GSTA5: variants seen among roughly 807,000 people sequenced by gnomAD.
GSTA5 encodes the protein glutathione S-transferase alpha 5.
A neutral mutation model predicts 21.8 loss-of-function variants in GSTA5; 25 were observed. The observed-to-expected ratio is 1.14, with a 90% confidence interval of 0.83 to 1.60. The LOEUF (loss-of-function observed/expected upper bound fraction) is 1.60, where lower values mean the gene tolerates loss of function less well. Among genes scored for constraint, GSTA5 ranks in the 40% most tolerant of loss-of-function variants. The pLI is 0.00. For synonymous variants in GSTA5, 102 were observed against 89.5 expected (o/e 1.14, Z -0.78); for missense variants, 330 against 259.2 (o/e 1.27, Z -1.88).
At chr6:52,843,070 A>AGG (rs1455822188), upstream of GSTA5, among the ~76,000 whole-genome samples, 1 of 152,182 alleles carries the variant, frequency 6.6e-6, no homozygotes, top group Non-Finnish European at 1.5e-5. Context: ...GTCCCTGCAA[A>AGG]GGACATGAAC....
At chr6:52,841,877 A>G (rs1330578476), upstream of GSTA5, among the ~76,000 whole-genome samples, 2 of 152,204 alleles carry the variant, frequency 1.3e-5, no homozygotes, top group East Asian at 1.9e-4. Flanking sequence ...TTCTATGTTA[A>G]TGTTTCTCAA....
chr6:52,835,722 A>AT (rs1165688669), intron 3 of GSTA5, among the ~76,000 whole-genome samples: 4 of 152,172 alleles, frequency 2.6e-5, no homozygotes, highest in African/African-American at 7.2e-5. Flanking sequence ...TAACCCCAGC[A>AT]TCCTGGGCAC....
At chr6:52,833,091 G>T in intron 4 of GSTA5, 101 bp from the exon 5 acceptor site, 3 of 1,352,162 alleles carry the variant, frequency 2.2e-6, no homozygotes, top group Non-Finnish European at 3.2e-6. Flanking sequence ...CACCTCTGTT[G>T]CCTTATTGCA....
exon 2 of GSTA5, chr6:52,837,577 A>T (rs1314171468): frequency 6.2e-7 from 1 of 1,608,632 alleles, no homozygotes; most frequent in South Asian, 1.1e-5. Context: ...ACTTGTCCAA[A>T]TCTTCTGCAG....
chr6:52,832,714 A>T, intron 5 of GSTA5, 145 bp downstream of exon 5: 1 of 1,350,386 alleles, frequency 7.4e-7, no homozygotes, highest in Admixed American at 2.1e-5. Flanking sequence ...TCAAAATTGG[A>T]GCCTGGAAGC....
intron 1 of GSTA5, among the ~76,000 whole-genome samples, chr6:52,839,097 G>A (rs1269467363): frequency 2.0e-5 from 3 of 151,914 alleles, no homozygotes; most frequent in Non-Finnish European, 2.9e-5. Flanking sequence ...CAATTAATAA[G>A]GCATCCAGTT....
intron 2 of GSTA5, 77 bp from the exon 3 acceptor site, chr6:52,836,445 A>G: frequency 1.4e-6 from 2 of 1,395,782 alleles, no homozygotes; most frequent in Non-Finnish European, 2.0e-6. Flanking sequence ...ATGGTTATGG[A>G]AATGACTAAA....
intron 1 of GSTA5, 129 bp from the exon 2 acceptor site, chr6:52,837,738 G>C: frequency 1.6e-6 from 1 of 621,136 alleles, no homozygotes; most frequent in Admixed American, 2.7e-5. Flanking sequence ...ATATACAGAG[G>C]GGGCTGGTAA....
chr6:52,843,114 G>A (rs1764404822), upstream of GSTA5, among the ~76,000 whole-genome samples: 1 of 152,126 alleles, frequency 6.6e-6, no homozygotes, highest in Non-Finnish European at 1.5e-5. Flanking sequence ...GTATTCCATG[G>A]TGTATATGTG....
At chr6:52,842,872 G>T (rs1173762667), upstream of GSTA5, among the ~76,000 whole-genome samples, 1 of 152,072 alleles carries the variant, frequency 6.6e-6, no homozygotes, top group Non-Finnish European at 1.5e-5. Context: ...ATCTATATTA[G>T]GTATTTCTCC....
chr6:52,845,764 C>T (rs1764445179), upstream of GSTA5, among the ~76,000 whole-genome samples: 1 of 152,136 alleles, frequency 6.6e-6, no homozygotes, highest in Non-Finnish European at 1.5e-5. Flanking sequence ...ACTGATTATT[C>T]TCAGATTGTT....
exon 4 of GSTA5, chr6:52,834,210 C>T (rs766215803): frequency 1.9e-6 from 3 of 1,614,012 alleles, no homozygotes; most frequent in Non-Finnish European, 2.5e-6. Flanking sequence ...CATCTCTTTC[C>T]TCTGGTTGAC....
chr6:52,843,757 C>T (rs35466920), upstream of GSTA5, among the ~76,000 whole-genome samples: 5,961 of 152,180 alleles, frequency 0.039, 213 homozygotes, highest in South Asian at 0.13. Flanking sequence ...GTGTGGGGCG[C>T]GGTTGTTTAA....
intron 4 of GSTA5, among the ~76,000 whole-genome samples, chr6:52,833,462 C>T (rs1764246111): frequency 6.6e-6 from 1 of 152,172 alleles, no homozygotes; most frequent in African/African-American, 2.4e-5. Context: ...CTTGTCTGCC[C>T]TCCTCATTCC....
In GSTA5 at chr6:52,840,722, C is replaced by T. The variant is rs1418626436; in HGVS notation, c.87+5G>A. The T allele has an allele frequency of 2.5e-6, 4 of 1,613,324 alleles. No individual in the cohort carries two copies. Among genetic ancestry groups the T allele is most frequent in the South Asian group, 1.1e-5 (1 of 91,026 alleles). On this transcript the variant is annotated splice_donor_5th_base_variant and intron_variant, in intron 1 of 5. Coordinates refer to ENST00000370989, the Ensembl canonical transcript of GSTA5. ...CAACTTAAGATGACCTTACTCAGAA[C>T]CTACCTCTACTCCAGCTGCAGCCAG...
chr6:52,844,787 C>T (rs557203167), upstream of GSTA5, among the ~76,000 whole-genome samples: 194 of 152,300 alleles, frequency 1.3e-3, 1 homozygote, highest in Middle Eastern at 0.034. Context: ...GGTGTTTGCT[C>T]TTGTCCCAGT....
At chr6:52,845,130 T>C (rs1466401985), upstream of GSTA5, among the ~76,000 whole-genome samples, 2 of 152,154 alleles carry the variant, frequency 1.3e-5, no homozygotes, top group African/African-American at 4.8e-5. Context: ...TGTTTCTCTC[T>C]CTCTTTCCTT....
At chr6:52,844,159 A>G (rs1764422108), upstream of GSTA5, among the ~76,000 whole-genome samples, 1 of 152,188 alleles carries the variant, frequency 6.6e-6, no homozygotes, top group Non-Finnish European at 1.5e-5. Context: ...TAAAGCACCT[A>G]TCTCATGCTG....
chr6:52,843,518 TTA>T (rs1447062079), upstream of GSTA5, among the ~76,000 whole-genome samples: 1 of 152,252 alleles, frequency 6.6e-6, no homozygotes, highest in Non-Finnish European at 1.5e-5. Context: ...TGAGCTTTTT[TTA>T]TATGTTTGTT....
Sources: gnomAD v4.1 joint callset for allele counts (sites outside exome capture counted in the v4.1 genomes callset) on GRCh38, gnomAD v4.1.1 for gene constraint, MANE v1.5 for transcripts, NCBI Gene and HGNC (gene_info 2026-07-23, HGNC 2026-07-21) for gene names.